Variants in KCNK1 observed in about 807,000 individuals in gnomAD.
KCNK1 encodes the protein potassium two pore domain channel subfamily K member 1.
In KCNK1, 10 loss-of-function variants were observed where a neutral mutation model predicts 22.2. The ratio of observed to expected loss-of-function variants is 0.45; its 90% CI spans 0.28 to 0.76. KCNK1 has a LOEUF of 0.76. KCNK1 is among the 30% of genes least tolerant of loss of function. The pLI, the probability that KCNK1 is intolerant of heterozygous loss-of-function variation, is 0.14. For missense variants in KCNK1, 378 were observed against 421.0 expected (o/e 0.90, Z 0.89); for synonymous variants, 200 against 186.4 (o/e 1.07, Z -0.60).
chr1:233,667,110 C>G (rs41272729), intron 2 of KCNK1, 120 bp downstream of exon 2: 200,877 of 751,506 alleles, frequency 0.27, 28,041 homozygotes, highest in Non-Finnish European at 0.29. Context: ...GTGGTGCGAT[C>G]TTGGCTCACT....
chr1:233,665,399 A>T (rs1658471228), intron 1 of KCNK1, among the ~76,000 whole-genome samples: 1 of 152,232 alleles, frequency 6.6e-6, no homozygotes, highest in South Asian at 2.1e-4. Context: ...AATTCTCCCT[A>T]GTACCTTCTG....
intron 2 of KCNK1, among the ~76,000 whole-genome samples, chr1:233,667,232 TGA>T (rs1658507749): frequency 6.6e-6 from 1 of 152,116 alleles, no homozygotes; most frequent in Admixed American, 6.6e-5. Context: ...CACCTCTCAA[TGA>T]GGGGTCATTC....
At chr1:233,621,804 A>G (rs1312360518) in intron 1 of KCNK1, among the ~76,000 whole-genome samples, 2 of 152,196 alleles carry the variant, frequency 1.3e-5, no homozygotes, top group Non-Finnish European at 2.9e-5. Flanking sequence ...TACTATTATC[A>G]ATAACGTGGA....
At chr1:233,667,591 G>A (rs1229705533) in intron 2 of KCNK1, among the ~76,000 whole-genome samples, 6 of 151,662 alleles carry the variant, frequency 4.0e-5, no homozygotes, top group African/African-American at 9.7e-5. Context: ...TTAGCCGGGC[G>A]TGGTAGCGGG....
chr1:233,668,075 T>G (rs2102912455), intron 2 of KCNK1, among the ~76,000 whole-genome samples: 1 of 152,370 alleles, frequency 6.6e-6, no homozygotes, highest in South Asian at 2.1e-4. Context: ...CATAGAAAAC[T>G]TAACCATCCA....
chr1:233,614,179 A>C lies in KCNK1; in HGVS notation c.8A>C (p.Gln3Pro), dbSNP rs765247957. 15 of 1,601,604 alleles carry C rather than the reference A, an allele frequency of 9.4e-6. No individual in the cohort carries two copies. Among genetic ancestry groups the C allele is most frequent in the African/African-American group, 6.7e-5 (5 of 74,808 alleles). The change falls in exon 1 of 3, where the codon CAG becomes CCG. Residue 3 changes from glutamine (Q) to proline (P), a missense_variant. Gln to Pro is a moderately conservative substitution (Grantham distance 76). Transcript: ENST00000366621. MLQSLAGSSCVRL... is the reference protein window; with the variant it reads MLPSLAGSSCVRL... ...GCGGCGGCGGTGGAGAAGATGCTGC[A>C]GTCCCTGGCCGGCAGCTCGTGCGTG...
intron 1 of KCNK1, among the ~76,000 whole-genome samples, chr1:233,663,036 C>T (rs1043868170): frequency 6.6e-6 from 1 of 152,144 alleles, no homozygotes; most frequent in Non-Finnish European, 1.5e-5. Context: ...AAATTATTCA[C>T]GACTTCATTA....
At chr1:233,667,504 G>A (rs1276978306) in intron 2 of KCNK1, among the ~76,000 whole-genome samples, 2 of 152,016 alleles carry the variant, frequency 1.3e-5, no homozygotes, top group Non-Finnish European at 2.9e-5. Flanking sequence ...GCCGAGGCGG[G>A]CGGATCACGA....
chr1:233,617,941 A>G (rs950432935), intron 1 of KCNK1, among the ~76,000 whole-genome samples: 1 of 152,178 alleles, frequency 6.6e-6, no homozygotes, highest in Non-Finnish European at 1.5e-5. Flanking sequence ...GAGGGGGAAA[A>G]AAAAAGAACA....
intron 1 of KCNK1, among the ~76,000 whole-genome samples, chr1:233,635,245 A>G (rs753545269): frequency 2.0e-5 from 3 of 152,250 alleles, no homozygotes; most frequent in Non-Finnish European, 4.4e-5. Flanking sequence ...CCCTGAGGGT[A>G]TAGTCAACAC....
intron 1 of KCNK1, 39 bp from the exon 2 acceptor site, chr1:233,666,556 C>G: frequency 1.3e-6 from 2 of 1,550,680 alleles, no homozygotes; most frequent in Non-Finnish European, 1.7e-6. Context: ...GCCACTTTGT[C>G]TCTTCCTCTT....
At chr1:233,632,711 C>T (rs1657825487) in intron 1 of KCNK1, among the ~76,000 whole-genome samples, 1 of 152,144 alleles carries the variant, frequency 6.6e-6, no homozygotes, top group Admixed American at 6.5e-5. Context: ...ACTCACTGGT[C>T]TTAGAGGTCC....
intron 1 of KCNK1, among the ~76,000 whole-genome samples, chr1:233,655,518 G>A (rs1026417117): frequency 3.9e-5 from 6 of 152,166 alleles, no homozygotes; most frequent in African/African-American, 1.2e-4. Context: ...GGGGTAGAAT[G>A]TTATGGTCTG....
At chr1:233,622,949 C>T (rs1334212099) in intron 1 of KCNK1, among the ~76,000 whole-genome samples, 1 of 152,128 alleles carries the variant, frequency 6.6e-6, no homozygotes, top group Admixed American at 6.5e-5. Context: ...AGCCTGCCCG[C>T]TGCTGCCTCT....
chr1:233,617,483 G>C (rs535636985), intron 1 of KCNK1, among the ~76,000 whole-genome samples: 161 of 152,270 alleles, frequency 1.1e-3, no homozygotes, highest in Non-Finnish European at 1.8e-3. Flanking sequence ...AAATTAACAA[G>C]ATAAAAGCAC....
At position 233,671,834 on chromosome 1, in the gene KCNK1, C is replaced by G. The variant is rs575749834; in HGVS notation, c.*304C>G. ...AGCAGTATGCTGCTGTGGTTAGAAGCAGATTTTATACTTTTAACTGGAAAC... is the reference window on the plus strand; with the variant it reads ...AGCAGTATGCTGCTGTGGTTAGAAGGAGATTTTATACTTTTAACTGGAAAC... On this transcript the variant is annotated 3_prime_UTR_variant, in exon 3 of 3. Coordinates refer to ENST00000366621, the MANE Select transcript of KCNK1 (RefSeq NM_002245.4). 22 of 292,958 alleles carry G rather than the reference C, an allele frequency of 7.5e-5. No individual in the cohort carries two copies. The highest frequency in any genetic ancestry group is 4.8e-4 in the African/African-American group (22 of 45,668). 18.1% of individuals were successfully genotyped at this position (292,958 alleles called of 1,614,324 possible).
At chr1:233,660,231 T>G (rs935999590) in intron 1 of KCNK1, among the ~76,000 whole-genome samples, 1 of 152,234 alleles carries the variant, frequency 6.6e-6, no homozygotes, top group South Asian at 2.1e-4. Context: ...AGAATATAAC[T>G]CATTCTTTGG....
intron 1 of KCNK1, among the ~76,000 whole-genome samples, chr1:233,658,134 T>A (rs956761901): frequency 1.3e-5 from 2 of 152,074 alleles, no homozygotes. Context: ...TAATCATAAT[T>A]TAAATTCTCA....
intron 1 of KCNK1, among the ~76,000 whole-genome samples, chr1:233,663,139 C>T (rs1658430910): frequency 6.6e-6 from 1 of 152,118 alleles, no homozygotes; most frequent in Non-Finnish European, 1.5e-5. Flanking sequence ...GGGTGGTTTA[C>T]TCAATGTGGC....
Sources: gnomAD v4.1 joint callset for allele counts (sites outside exome capture counted in the v4.1 genomes callset) on GRCh38, gnomAD v4.1.1 for gene constraint, MANE v1.5 for transcripts, NCBI Gene and HGNC (gene_info 2026-07-23, HGNC 2026-07-21) for gene names.